The following SLC28A1 variants were observed in gnomAD, a reference collection of about 807,000 sequenced individuals.
SLC28A1 encodes the protein solute carrier family 28 member 1, also known as sodium/nucleoside cotransporter 1.
SLC28A1 carries 64 observed loss-of-function variants against 74.8 expected under a neutral mutation model. That is an observed-to-expected ratio of 0.86 (90% CI 0.70 to 1.05). The LOEUF (loss-of-function observed/expected upper bound fraction) is 1.05. SLC28A1 is among the 50% of genes least tolerant of loss of function. The pLI, the probability that SLC28A1 is intolerant of heterozygous loss-of-function variation, is 0.00. For missense variants in SLC28A1, 828 were observed against 822.8 expected (o/e 1.01, Z -0.08); for synonymous variants, 359 against 335.0 (o/e 1.07, Z -0.78).
chr15:84,886,588 C>G (rs1481717878), intron 1 of SLC28A1, 84 bp from the exon 2 acceptor site: 1 of 985,376 alleles, frequency 1.0e-6, no homozygotes, highest in Non-Finnish European at 1.2e-6. Flanking sequence ...GGTCCCCACC[C>G]TGGCTGTGGC....
chr15:84,888,908 T>G, intron 4 of SLC28A1, 48 bp downstream of exon 4: 2 of 1,358,646 alleles, frequency 1.5e-6, no homozygotes, highest in Non-Finnish European at 1.0e-6. Flanking sequence ...TGGAGGCTGC[T>G]TGGGAACAGG....
At chr15:84,917,179 T>C (rs1025588769) in intron 9 of SLC28A1, among the ~76,000 whole-genome samples, 6 of 152,242 alleles carry the variant, frequency 3.9e-5, no homozygotes, top group African/African-American at 1.4e-4. Context: ...TATTCCAATT[T>C]TCCCATTTAA....
the SLC28A1 span, among the ~76,000 whole-genome samples, chr15:84,956,183 CT>C: frequency 6.6e-6 from 1 of 152,064 alleles, no homozygotes; most frequent in Non-Finnish European, 1.5e-5. Context: ...TAGATAGTGC[CT>C]TTTTACTCCC....
At chr15:84,899,227 C>A (rs969907972) in intron 6 of SLC28A1, among the ~76,000 whole-genome samples, 4 of 152,092 alleles carry the variant, frequency 2.6e-5, no homozygotes, top group Non-Finnish European at 5.9e-5. Flanking sequence ...TCAGGCCCTG[C>A]CTAACACATC....
chr15:84,914,142 G>T (rs976912558), intron 9 of SLC28A1, among the ~76,000 whole-genome samples: 1 of 152,090 alleles, frequency 6.6e-6, no homozygotes, highest in Non-Finnish European at 1.5e-5. Context: ...TAGATACAGG[G>T]TCTCACTATA....
At chr15:84,910,499 C>T (rs907690007) in intron 9 of SLC28A1, among the ~76,000 whole-genome samples, 12 of 152,128 alleles carry the variant, frequency 7.9e-5, no homozygotes. Flanking sequence ...GAGGCTGAGG[C>T]AGGCGGATCA....
chr15:84,970,158 A>G, the SLC28A1 span, among the ~76,000 whole-genome samples: 28 of 152,210 alleles, frequency 1.8e-4, no homozygotes, highest in Non-Finnish European at 3.1e-4. Context: ...CCCAGGTGCT[A>G]GCAGCTTTGC....
chr15:84,943,395 C>G (rs780758045), intron 15 of SLC28A1, 50 bp from the exon 16 acceptor site: 2 of 1,374,268 alleles, frequency 1.5e-6, no homozygotes, highest in South Asian at 2.3e-5. Context: ...TAGGGGTGCC[C>G]CAGGCCCATC....
chr15:84,921,245 C>T (rs1459168112), intron 11 of SLC28A1, among the ~76,000 whole-genome samples, 176 bp downstream of exon 11: 1 of 152,268 alleles, frequency 6.6e-6, no homozygotes, highest in South Asian at 2.1e-4. Context: ...CTGGGTCATG[C>T]CAGGGAGGAT....
At chr15:84,948,017 A>G (rs968697975), downstream of SLC28A1, among the ~76,000 whole-genome samples, 12 of 152,288 alleles carry the variant, frequency 7.9e-5, no homozygotes, top group Admixed American at 7.8e-4. Context: ...CTGCGTGGAC[A>G]CAGATGCTGT....
the SLC28A1 span, among the ~76,000 whole-genome samples, chr15:84,973,166 G>GC: frequency 6.6e-6 from 1 of 152,116 alleles, no homozygotes; most frequent in East Asian, 1.9e-4. Flanking sequence ...CCCTGAATAT[G>GC]CCCTGCTCCT....
intron 9 of SLC28A1, 34 bp downstream of exon 9, chr15:84,908,829 C>A: frequency 6.4e-7 from 1 of 1,560,776 alleles, no homozygotes; most frequent in Non-Finnish European, 8.8e-7. Flanking sequence ...AGGCCTTTAG[C>A]AGCCACCGCC....
At chr15:84,960,040 G>T in the SLC28A1 span, among the ~76,000 whole-genome samples, 2 of 152,042 alleles carry the variant, frequency 1.3e-5, no homozygotes, top group African/African-American at 2.4e-5. Context: ...ATTTTCTGGG[G>T]TCATGATATT....
chr15:84,886,891 G>T, intron 2 of SLC28A1, 104 bp downstream of exon 2: 1 of 527,410 alleles, frequency 1.9e-6, no homozygotes, highest in Non-Finnish European at 2.4e-6. Flanking sequence ...ACATGCACGG[G>T]TCTCTGAGTA....
chr15:84,944,451 C>T lies in SLC28A1; in HGVS notation c.1664-115C>T, dbSNP rs1286284664. On this transcript the variant is annotated intron_variant, in intron 16 of 18. Coordinates refer to ENST00000394573, the MANE Select transcript of SLC28A1 (RefSeq NM_004213.5). ...TGTCAGGAGGACAACATCTGTCCCTCTGGCCATCTATTAATAGAAGAGGAA... is the reference window on the plus strand; with the variant it reads ...TGTCAGGAGGACAACATCTGTCCCTTTGGCCATCTATTAATAGAAGAGGAA... 4.0e-5 allele frequency: 30 copies of T among 753,462 alleles called. 2 individuals carry two copies. Among genetic ancestry groups the T allele is most frequent in the Non-Finnish European group, 2.4e-6 (1 of 418,590 alleles). The allele number at this position is 753,462 out of a possible 1,614,324, so 46.7% of individuals were successfully genotyped here.
intron 9 of SLC28A1, among the ~76,000 whole-genome samples, chr15:84,917,555 T>C (rs995533048): frequency 6.6e-6 from 1 of 152,178 alleles, no homozygotes. Context: ...ACTATAGACA[T>C]GTGCCATCAT....
chr15:84,945,834 G>A (rs1296705031), downstream of SLC28A1: 3 of 154,772 alleles, frequency 1.9e-5, no homozygotes, highest in African/African-American at 7.3e-5. Flanking sequence ...TTTTAACTGT[G>A]AACTTGTCAG....
chr15:84,900,606 C>A (rs1966575260), intron 6 of SLC28A1, among the ~76,000 whole-genome samples: 1 of 151,704 alleles, frequency 6.6e-6, no homozygotes, highest in South Asian at 2.1e-4. Flanking sequence ...TGAGACCAGC[C>A]CGAGTAACAT....
the SLC28A1 span, among the ~76,000 whole-genome samples, chr15:84,975,266 C>T: frequency 6.6e-6 from 1 of 152,242 alleles, no homozygotes; most frequent in African/African-American, 2.4e-5. Context: ...CTTTAAAGAA[C>T]TGTTTCGTCT....
Sources: gnomAD v4.1 joint callset for allele counts (sites outside exome capture counted in the v4.1 genomes callset) on GRCh38, gnomAD v4.1.1 for gene constraint, MANE v1.5 for transcripts, NCBI Gene and HGNC (gene_info 2026-07-23, HGNC 2026-07-21) for gene names.